Variants in EVI5 observed in about 807,000 individuals in gnomAD.
EVI5 encodes ecotropic viral integration site 5 protein homolog.
A neutral mutation model predicts 112.0 loss-of-function variants in EVI5; 73 were observed. The observed-to-expected ratio is 0.65, with a 90% CI of 0.54 to 0.79. The LOEUF (loss-of-function observed/expected upper bound fraction) is 0.79, where lower values mean the gene tolerates loss of function less well. Among genes scored for constraint, EVI5 ranks in the 30% least tolerant of loss-of-function variants. The pLI, the probability that EVI5 is intolerant of heterozygous loss-of-function variation, is 0.00. For synonymous variants in EVI5, 305 were observed against 319.9 expected (o/e 0.95, Z 0.50); for missense variants, 900 against 968.8 (o/e 0.93, Z 0.94).
intron 1 of EVI5, among the ~76,000 whole-genome samples, chr1:92,777,095 C>A (rs1684248252): frequency 6.6e-6 from 1 of 151,974 alleles, no homozygotes; most frequent in African/African-American, 2.4e-5. Context: ...AACCACTGCA[C>A]CCAGCCAATT....
At chr1:92,717,556 G>A (rs1295192998) in intron 2 of EVI5, among the ~76,000 whole-genome samples, 1 of 152,176 alleles carries the variant, frequency 6.6e-6, no homozygotes, top group Non-Finnish European at 1.5e-5. Context: ...ACTAAACATG[G>A]AAAGGAACAA....
At chr1:92,770,746 C>T (rs553253616) in intron 1 of EVI5, among the ~76,000 whole-genome samples, 29 of 151,544 alleles carry the variant, frequency 1.9e-4, no homozygotes, top group African/African-American at 6.3e-4. Context: ...GCCGAAATCG[C>T]GCCACTGAAC....
chr1:92,567,522 A>G (rs986449957), intron 18 of EVI5, among the ~76,000 whole-genome samples: 26 of 152,162 alleles, frequency 1.7e-4, no homozygotes, highest in African/African-American at 2.4e-5. Context: ...GTTTAGATAC[A>G]CAACTTCTGA....
intron 2 of EVI5, among the ~76,000 whole-genome samples, chr1:92,713,129 A>C (rs1366430341): frequency 1.3e-5 from 2 of 152,000 alleles, no homozygotes; most frequent in African/African-American, 4.8e-5. Context: ...ATACAGTTGA[A>C]ATGTCACTTC....
At chr1:92,694,887 C>T (rs1670058954) in intron 7 of EVI5, among the ~76,000 whole-genome samples, 1 of 152,188 alleles carries the variant, frequency 6.6e-6, no homozygotes, top group South Asian at 2.1e-4. Context: ...AAGAAACATG[C>T]TTATTACTTC....
At position 92,664,715 on chromosome 1, in the gene EVI5, T is replaced by C. The variant is rs537819613; in HGVS notation, c.1212+1224A>G. 1.1e-4 allele frequency among the ~76,000 whole-genome samples: 17 copies of C among 152,364 alleles called. No individual in the cohort carries two copies. The South Asian group carries it at 3.1e-3, about 28-fold the overall frequency. On this transcript the variant is annotated intron_variant, in intron 11 of 19. Coordinates refer to ENST00000684568, the MANE Select transcript of EVI5 (RefSeq NM_001350197.2). ...TTATTATACAACAAAGGCAGACATG[T>C]AATAAATATCCTGTCCTTACGCACT...
intron 18 of EVI5, among the ~76,000 whole-genome samples, chr1:92,599,976 T>C (rs908028701): frequency 1.3e-5 from 2 of 152,084 alleles, no homozygotes; most frequent in African/African-American, 4.8e-5. Context: ...TTTTAATCTG[T>C]AGAAGAGCTG....
At chr1:92,658,853 A>G (rs1174164686) in intron 13 of EVI5, among the ~76,000 whole-genome samples, 1 of 152,184 alleles carries the variant, frequency 6.6e-6, no homozygotes, top group Non-Finnish European at 1.5e-5. Context: ...ATAGTAACCA[A>G]GACAGCATGG....
chr1:92,724,727 G>A lies in EVI5; in HGVS notation c.149+11671C>T, dbSNP rs192952621. Among the ~76,000 whole-genome samples, 10 of 152,154 alleles carry A rather than the reference G, an allele frequency of 6.6e-5. No individual in the cohort carries two copies. In the East Asian group the frequency reaches 1.5e-3, roughly 24 times the overall value. On this transcript the variant is annotated intron_variant, in intron 2 of 19. Coordinates refer to ENST00000684568, the MANE Select transcript of EVI5 (RefSeq NM_001350197.2). ...GGAGGCAGAGGTGGAAGGATCACCCGAGCCCAGGAGGTCAAGGATGCAGTG... is the reference window on the plus strand; with the variant it reads ...GGAGGCAGAGGTGGAAGGATCACCCAAGCCCAGGAGGTCAAGGATGCAGTG...
chr1:92,706,891 G>A (rs1356325508), intron 2 of EVI5, among the ~76,000 whole-genome samples: 1 of 151,982 alleles, frequency 6.6e-6, no homozygotes, highest in Non-Finnish European at 1.5e-5. Flanking sequence ...CAAAATACAG[G>A]AAAACCATGG....
intron 2 of EVI5, among the ~76,000 whole-genome samples, chr1:92,721,821 T>C (rs1045110871): frequency 1.3e-5 from 2 of 152,186 alleles, no homozygotes; most frequent in African/African-American, 4.8e-5. Flanking sequence ...AATTTTAATA[T>C]AACGCTTTGT....
intron 2 of EVI5, among the ~76,000 whole-genome samples, chr1:92,718,687 AAGAAC>A (rs1674203630): frequency 6.6e-6 from 1 of 152,236 alleles, no homozygotes; most frequent in African/African-American, 2.4e-5. Context: ...AGAAATAACT[AAGAAC>A]AGAGCAGAAC....
chr1:92,743,154 A>G (rs555276745), intron 1 of EVI5, among the ~76,000 whole-genome samples: 1 of 152,328 alleles, frequency 6.6e-6, no homozygotes, highest in South Asian at 2.1e-4. Flanking sequence ...GGAGTTCGAG[A>G]CCAGTTTGGC....
chr1:92,584,316 C>A (rs888291334), intron 18 of EVI5, among the ~76,000 whole-genome samples: 19 of 152,010 alleles, frequency 1.2e-4, no homozygotes, highest in Middle Eastern at 3.2e-3. Context: ...GTCACAGAGG[C>A]AACCACATTA....
intron 2 of EVI5, chr1:92,732,234 T>C (rs1209591247): frequency 7.1e-6 from 2 of 281,400 alleles, no homozygotes. Context: ...GTGGCAGTTA[T>C]ACGTCCTTAC....
chr1:92,635,571 G>A (rs1029934108), intron 14 of EVI5, among the ~76,000 whole-genome samples: 13 of 152,128 alleles, frequency 8.5e-5, no homozygotes, highest in African/African-American at 1.4e-4. Flanking sequence ...TCCAGGTGCC[G>A]TCCATCACCC....
chr1:92,629,680 T>C (rs1656477200), intron 14 of EVI5, among the ~76,000 whole-genome samples: 1 of 152,162 alleles, frequency 6.6e-6, no homozygotes, highest in African/African-American at 2.4e-5. Flanking sequence ...TTTTCTTTTA[T>C]TATACTTTAA....
rs111400767 is a variant in EVI5, at chr1:92,730,237, G to A, written c.149+6161C>T. On this transcript the variant is annotated intron_variant, in intron 2 of 19. Coordinates refer to ENST00000684568, the MANE Select transcript of EVI5 (RefSeq NM_001350197.2). ...AAAAGTTAGCCAGGCATGATGGCACGTGCCTGTAATCCCAGGAGGCAGGGC... is the reference window on the plus strand; with the variant it reads ...AAAAGTTAGCCAGGCATGATGGCACATGCCTGTAATCCCAGGAGGCAGGGC... Among the ~76,000 whole-genome samples, 29 of 151,980 alleles carry A rather than the reference G, an allele frequency of 1.9e-4. 1 individual carries two copies. Among genetic ancestry groups the A allele is most frequent in the African/African-American group, 6.8e-4 (28 of 41,464 alleles).
intron 16 of EVI5, among the ~76,000 whole-genome samples, chr1:92,617,198 T>G (rs1286963745): frequency 6.6e-6 from 1 of 152,234 alleles, no homozygotes; most frequent in Non-Finnish European, 1.5e-5. Context: ...AAGGTAAATC[T>G]TCCCAGTGGG....
Sources: gnomAD v4.1 joint callset for allele counts (sites outside exome capture counted in the v4.1 genomes callset) on GRCh38, gnomAD v4.1.1 for gene constraint, MANE v1.5 for transcripts, NCBI Gene and HGNC (gene_info 2026-07-23, HGNC 2026-07-21) for gene names.